Variants in RHOBTB1 observed in about 807,000 individuals in gnomAD.
RHOBTB1 encodes the protein Rho related BTB domain containing 1.
In RHOBTB1, 40 loss-of-function variants were observed where a neutral mutation model predicts 71.6. That is an observed-to-expected ratio of 0.56 (90% CI 0.43 to 0.73). RHOBTB1 has a LOEUF of 0.73. RHOBTB1 is among the 30% of genes least tolerant of loss of function. The pLI is 0.00. For synonymous variants in RHOBTB1, 319 were observed against 334.9 expected (o/e 0.95, Z 0.52); for missense variants, 797 against 894.0 (o/e 0.89, Z 1.38).
chr10:60,972,463 C>T (rs182036721), intron 2 of RHOBTB1, among the ~76,000 whole-genome samples: 1 of 152,140 alleles, frequency 6.6e-6, no homozygotes, highest in Non-Finnish European at 1.5e-5. Context: ...CATGTTCTCA[C>T]TCATAAGTAG....
chr10:60,999,838 C>T (rs985828435), intron 1 of RHOBTB1, among the ~76,000 whole-genome samples: 9 of 152,236 alleles, frequency 5.9e-5, no homozygotes, highest in Non-Finnish European at 8.8e-5. Context: ...GGTCCCTCTT[C>T]ACCCAACCGT....
intron 2 of RHOBTB1, among the ~76,000 whole-genome samples, chr10:60,962,663 A>C (rs2085823025): frequency 6.6e-6 from 1 of 152,170 alleles, no homozygotes; most frequent in African/African-American, 2.4e-5. Context: ...GAAGTATTTA[A>C]AGCTTCTGTC....
upstream of RHOBTB1, among the ~76,000 whole-genome samples, chr10:60,948,341 G>A (rs1009754022): frequency 6.6e-6 from 1 of 152,214 alleles, no homozygotes; most frequent in Non-Finnish European, 1.5e-5. Context: ...GGTAAGAGAA[G>A]TACTTACATA....
chr10:60,982,891 T>G (rs73268008), intron 2 of RHOBTB1, among the ~76,000 whole-genome samples: 6,358 of 152,246 alleles, frequency 0.042, 209 homozygotes, highest in African/African-American at 0.087. Context: ...CTCTTTCCTC[T>G]TCCGCTCCCT....
At position 60,871,334 on chromosome 10, in the gene RHOBTB1, G is replaced by T; in HGVS notation, c.*148C>A. 1 of 729,440 alleles carries T rather than the reference G, an allele frequency of 1.4e-6. No individual in the cohort carries two copies. The highest frequency in any genetic ancestry group is 2.2e-6 in the Non-Finnish European group (1 of 456,878). 45.2% of individuals were successfully genotyped at this position (729,440 alleles called of 1,614,324 possible). On this transcript the variant is annotated 3_prime_UTR_variant, in exon 11 of 11. Coordinates refer to ENST00000337910, the MANE Select transcript of RHOBTB1 (RefSeq NM_014836.5). ...GAGCTTGTGCTTTGATCCTAACAAA[G>T]ATAAATGCACAAAAGTGGAGGAAGA...
intron 2 of RHOBTB1, among the ~76,000 whole-genome samples, chr10:60,912,214 T>A (rs1334094983): frequency 6.8e-6 from 1 of 147,008 alleles, no homozygotes; most frequent in Non-Finnish European, 1.5e-5. Context: ...TATATATATG[T>A]GTATATATAT....
intron 2 of RHOBTB1, among the ~76,000 whole-genome samples, chr10:60,915,460 G>T (rs192541820): frequency 2.0e-5 from 3 of 151,984 alleles, no homozygotes; most frequent in Admixed American, 2.0e-4. Flanking sequence ...AAAAAGAAAA[G>T]CCTGAAAGAA....
At chr10:60,919,308 A>T (rs2083433109) in intron 2 of RHOBTB1, among the ~76,000 whole-genome samples, 1 of 149,816 alleles carries the variant, frequency 6.7e-6, no homozygotes, top group African/African-American at 2.5e-5. Flanking sequence ...GAAATAAAAA[A>T]CTGACAATTT....
chr10:60,988,077 G>A (rs370855032), intron 1 of RHOBTB1, among the ~76,000 whole-genome samples: 5 of 150,908 alleles, frequency 3.3e-5, no homozygotes, highest in Non-Finnish European at 7.4e-5. Flanking sequence ...GACTACAGGC[G>A]CCCACCACCA....
chr10:60,976,355 G>A (rs986168249), intron 2 of RHOBTB1, among the ~76,000 whole-genome samples: 1 of 151,392 alleles, frequency 6.6e-6, no homozygotes, highest in Admixed American at 6.6e-5. Context: ...TTATCACAGA[G>A]AGTAAGATCG....
chr10:60,999,832 C>T (rs2087194324), intron 1 of RHOBTB1, among the ~76,000 whole-genome samples: 2 of 152,200 alleles, frequency 1.3e-5, no homozygotes, highest in Admixed American at 1.3e-4. Context: ...TCACTGGGTC[C>T]CTCTTCACCC....
chr10:60,971,458 T>C (rs955605198), intron 2 of RHOBTB1, among the ~76,000 whole-genome samples: 3 of 152,086 alleles, frequency 2.0e-5, no homozygotes, highest in Non-Finnish European at 4.4e-5. Context: ...GATTCCCTAT[T>C]AAAAAAATGC....
chr10:60,894,089 C>T (rs2082050581), intron 4 of RHOBTB1, among the ~76,000 whole-genome samples: 3 of 152,162 alleles, frequency 2.0e-5, no homozygotes, highest in South Asian at 4.1e-4. Flanking sequence ...GTCGATGAAT[C>T]AAAACACCTT....
chr10:60,860,920 G>C, the RHOBTB1 span, among the ~76,000 whole-genome samples: 1 of 152,124 alleles, frequency 6.6e-6, no homozygotes, highest in Non-Finnish European at 1.5e-5. Context: ...GATACTAGTT[G>C]CTCTGTGAGG....
upstream of RHOBTB1, chr10:60,944,220 A>T (rs1258557003): frequency 6.6e-6 from 1 of 151,822 alleles, no homozygotes; most frequent in Non-Finnish European, 1.5e-5. Flanking sequence ...TTCCACCCGC[A>T]GCCCTCCCCT....
intron 1 of RHOBTB1, among the ~76,000 whole-genome samples, chr10:60,992,799 A>G (rs769590131): frequency 2.0e-5 from 3 of 152,216 alleles, no homozygotes; most frequent in Non-Finnish European, 2.9e-5. Flanking sequence ...TTGATCTAAC[A>G]CAAAGGGGAA....
chr10:60,880,198 T>TGA (rs1338401724), intron 7 of RHOBTB1, among the ~76,000 whole-genome samples: 7 of 140,700 alleles, frequency 5.0e-5, no homozygotes, highest in African/African-American at 2.0e-4. Context: ...TGTGTGTGTG[T>TGA]GTGTGAGAGA....
chr10:60,945,178 A>G (rs565858930), upstream of RHOBTB1, among the ~76,000 whole-genome samples: 4 of 152,348 alleles, frequency 2.6e-5, no homozygotes, highest in African/African-American at 9.6e-5. Flanking sequence ...GCTTTCAGTC[A>G]GCCTGCTAAA....
chr10:61,001,883 C>T (rs1236286226), upstream of RHOBTB1, among the ~76,000 whole-genome samples: 3 of 152,212 alleles, frequency 2.0e-5, no homozygotes, highest in Non-Finnish European at 4.4e-5. Flanking sequence ...CTGGGACTTG[C>T]GGGGGCATCT....
Sources: gnomAD v4.1 joint callset for allele counts (sites outside exome capture counted in the v4.1 genomes callset) on GRCh38, gnomAD v4.1.1 for gene constraint, MANE v1.5 for transcripts, NCBI Gene and HGNC (gene_info 2026-07-23, HGNC 2026-07-21) for gene names.